SREBF2: variants seen among roughly 807,000 people sequenced by gnomAD.
SREBF2 encodes sterol regulatory element binding transcription factor 2.
In SREBF2, 55 loss-of-function variants were observed where a neutral mutation model predicts 113.1. The observed-to-expected ratio is 0.49, with a 90% CI of 0.39 to 0.61. SREBF2 has a LOEUF of 0.61. Ranked by LOEUF, SREBF2 falls within the 20% of genes least tolerant of loss-of-function variation. SREBF2 has a pLI of 0.00. For missense variants in SREBF2, 1,349 were observed against 1,487.4 expected, an observed-to-expected ratio of 0.91 and a Z score of 1.53; for synonymous variants, 593 against 605.7, an observed-to-expected ratio of 0.98 and a Z score of 0.31.
intron 12 of SREBF2, among the ~76,000 whole-genome samples, 168 bp from the exon 13 acceptor site, chr22:41,894,652 T>C (rs192041142): frequency 9.5e-4 from 145 of 152,028 alleles, no homozygotes; most frequent in Non-Finnish European, 1.6e-3. Context: ...GAGTGAACAC[T>C]CTCCCCCATC....
chr22:41,841,930 T>C (rs918990045), intron 1 of SREBF2, among the ~76,000 whole-genome samples: 1 of 152,184 alleles, frequency 6.6e-6, no homozygotes, highest in African/African-American at 2.4e-5. Flanking sequence ...TCATTTGCAG[T>C]TTTTTCTTAA....
chr22:41,875,514 A>T, intron 6 of SREBF2, 29 bp from the exon 7 acceptor site: 1 of 1,614,196 alleles, frequency 6.2e-7, no homozygotes, highest in Non-Finnish European at 8.5e-7. Flanking sequence ...AAAGCAGATC[A>T]TTTTCACCAG....
At chr22:41,900,268 CT>C (rs1397898175) in intron 15 of SREBF2, 61 bp from the exon 16 acceptor site, 2 of 1,592,584 alleles carry the variant, frequency 1.3e-6, no homozygotes, top group Non-Finnish European at 1.7e-6. Flanking sequence ...GCTTGGGCCC[CT>C]CTGCCTGTCA....
At chr22:41,857,284 C>G (rs557825728) in intron 1 of SREBF2, among the ~76,000 whole-genome samples, 1 of 152,176 alleles carries the variant, frequency 6.6e-6, no homozygotes, top group Admixed American at 6.5e-5. Flanking sequence ...AGCTGCAGAT[C>G]CCTCTCCTGT....
chr22:41,839,580 G>A (rs1475959561), intron 1 of SREBF2, among the ~76,000 whole-genome samples: 3 of 152,202 alleles, frequency 2.0e-5, no homozygotes, highest in Middle Eastern at 3.2e-3. Flanking sequence ...GTGGAAGCAA[G>A]TAGTTCTCTT....
At chr22:41,862,227 A>G (rs1020764989) in intron 1 of SREBF2, among the ~76,000 whole-genome samples, 1 of 152,232 alleles carries the variant, frequency 6.6e-6, no homozygotes, top group East Asian at 1.9e-4. Context: ...CACAAGCTCC[A>G]TAAAGTTCAT....
Position 41,877,843 on chromosome 22 carries a change from G to T in SREBF2, c.1580-99G>T, listed in dbSNP as rs2077210753. ...ATTTGCCCTTTCTTCTGAAAATGAG[G>T]TAGAAGACTCTTTCCTGTGATAGTG... On this transcript the variant is annotated intron_variant, in intron 8 of 18. Coordinates refer to ENST00000361204, the MANE Select transcript of SREBF2 (RefSeq NM_004599.4). 4.7e-6 allele frequency: 6 copies of T among 1,266,854 alleles called. No homozygotes were observed. In the East Asian group the frequency reaches 1.4e-4, roughly 29 times the overall value. The allele number at this position is 1,266,854 out of a possible 1,614,324, so 78.5% of individuals were successfully genotyped here.
At chr22:41,896,733 C>T (rs1001794241) in intron 13 of SREBF2, among the ~76,000 whole-genome samples, 2 of 152,146 alleles carry the variant, frequency 1.3e-5, no homozygotes, top group African/African-American at 4.8e-5. Flanking sequence ...GCAGTTCTGC[C>T]TGGGAGATAA....
At chr22:41,902,531 C>T (rs1488935480) in intron 16 of SREBF2, among the ~76,000 whole-genome samples, 5 of 152,138 alleles carry the variant, frequency 3.3e-5, no homozygotes, top group Admixed American at 6.5e-5. Context: ...TCCTCCTTCC[C>T]CCAGCCCCAT....
chr22:41,877,630 A>G (rs1292511415), intron 8 of SREBF2, among the ~76,000 whole-genome samples: 1 of 152,174 alleles, frequency 6.6e-6, no homozygotes, highest in Non-Finnish European at 1.5e-5. Flanking sequence ...AGCAAAACAA[A>G]TCAGGGACCC....
chr22:41,861,327 C>G (rs9619999), intron 1 of SREBF2, among the ~76,000 whole-genome samples: 1 of 151,898 alleles, frequency 6.6e-6, no homozygotes, highest in Non-Finnish European at 1.5e-5. Flanking sequence ...ACTAAAAATA[C>G]AAAAATTAGC....
rs568531992 is a variant in SREBF2, at chr22:41,877,898, G to C, written c.1580-44G>C. The C allele has an allele frequency of 5.0e-5, 81 of 1,612,422 alleles. No individual in the cohort carries two copies. In the South Asian group the frequency reaches 6.6e-4, roughly 13 times the overall value. On this transcript the variant is annotated intron_variant, in intron 8 of 18. Coordinates refer to ENST00000361204, the MANE Select transcript of SREBF2 (RefSeq NM_004599.4). ...GGTCTGTCAGGTGCCTGGCTGCTCC[G>C]CAAGGCCTTTCCTAGCAGACTCTGC...
chr22:41,856,501 A>C (rs535717217), intron 1 of SREBF2, among the ~76,000 whole-genome samples: 1 of 152,220 alleles, frequency 6.6e-6, no homozygotes. Flanking sequence ...TCTGAGGTGG[A>C]AAAGAGTCCC....
At chr22:41,896,371 G>T (rs1007659946) in intron 13 of SREBF2, among the ~76,000 whole-genome samples, 2 of 151,914 alleles carry the variant, frequency 1.3e-5, no homozygotes, top group East Asian at 3.9e-4. Context: ...TTTTTGGGGG[G>T]TTTTTTGAGA....
In SREBF2 at chr22:41,866,510, A is replaced by G. The variant is rs561026263; in HGVS notation, c.89-321A>G. ...GGTTGAAGTAAGACAAGTTCGCGCC[A>G]CTGCACTCCATCCAGCGTGGGCGAT... On this transcript the variant is annotated intron_variant, in intron 1 of 18. Coordinates refer to ENST00000361204, the MANE Select transcript of SREBF2 (RefSeq NM_004599.4). 7.6e-4 allele frequency among the ~76,000 whole-genome samples: 116 copies of G among 152,318 alleles called. 1 individual carries two copies. In the Middle Eastern group the frequency reaches 0.02, roughly 27 times the overall value.
Position 41,877,247 on chromosome 22 carries a change from T to A in SREBF2, c.1405T>A (p.Ser469Thr), listed in dbSNP as rs758863269. Residue 469 changes from serine (S) to threonine (T), a missense_variant, in exon 8 of 19, where the codon TCT (serine) becomes ACT (threonine). Physicochemically the swap from Ser to Thr is moderately conservative, Grantham distance 58 (BLOSUM62 1). Transcript: ENST00000361204. ...TTTGAAGGTCAAAGATGAGCCAGAC[T>A]CTCCTCCTGTGGCGCTGGGCATGGT... ...DDAKVKDEPD[S>T]PPVALGMVDR... The A allele has an allele frequency of 6.2e-7, 1 of 1,614,202 alleles. No individual in the cohort carries two copies. Among genetic ancestry groups the A allele is most frequent in the Non-Finnish European group, 8.5e-7 (1 of 1,180,042 alleles).
intron 1 of SREBF2, among the ~76,000 whole-genome samples, chr22:41,835,775 T>A (rs1218208648): frequency 6.6e-6 from 1 of 152,198 alleles, no homozygotes; most frequent in African/African-American, 2.4e-5. Context: ...CTAAGGCATG[T>A]GCCACCACAC....
At chr22:41,858,473 G>C (rs1403735346) in intron 1 of SREBF2, among the ~76,000 whole-genome samples, 1 of 152,118 alleles carries the variant, frequency 6.6e-6, no homozygotes, top group Non-Finnish European at 1.5e-5. Context: ...AAAACACGGA[G>C]TGGGCATGTT....
chr22:41,869,621 T>C (rs977373765), intron 3 of SREBF2, among the ~76,000 whole-genome samples: 1 of 151,324 alleles, frequency 6.6e-6, no homozygotes, highest in Non-Finnish European at 1.5e-5. Flanking sequence ...GTAGCTGGGA[T>C]TACAAGCACC....
Sources: gnomAD v4.1 joint callset for allele counts (sites outside exome capture counted in the v4.1 genomes callset) on GRCh38, gnomAD v4.1.1 for gene constraint, MANE v1.5 for transcripts, NCBI Gene and HGNC (gene_info 2026-07-23, HGNC 2026-07-21) for gene names.